The following PTPRM variants were observed in gnomAD, a reference collection of about 807,000 sequenced individuals.
PTPRM encodes the protein receptor-type tyrosine-protein phosphatase mu.
Under a neutral mutation model 186.7 loss-of-function variants are expected in PTPRM, and 47 were observed. The ratio of observed to expected loss-of-function variants is 0.25; its 90% CI spans 0.20 to 0.32. The LOEUF (loss-of-function observed/expected upper bound fraction) is 0.32. Among genes scored for constraint, PTPRM ranks in the 10% least tolerant of loss-of-function variants. The probability of loss-of-function intolerance (pLI) is 1.00; values close to 1 mark genes in which losing one functional copy is unlikely to be tolerated. For missense variants in PTPRM, 1,494 were observed against 1,865.0 expected (o/e 0.80, Z 3.66); for synonymous variants, 668 against 674.9 (o/e 0.99, Z 0.16).
intron 13 of PTPRM, among the ~76,000 whole-genome samples, chr18:8,126,438 A>C (rs1459659212): frequency 6.6e-6 from 1 of 152,190 alleles, no homozygotes; most frequent in Non-Finnish European, 1.5e-5. Context: ...TTACAAAAGC[A>C]TAATTTCGAT....
At chr18:8,369,865 G>A (rs541929563) in intron 23 of PTPRM, among the ~76,000 whole-genome samples, 2 of 152,254 alleles carry the variant, frequency 1.3e-5, no homozygotes, top group South Asian at 2.1e-4. Context: ...AGGGAAGATC[G>A]CTTGAGCCCA....
chr18:8,137,761 G>T (rs2092671313), intron 13 of PTPRM, among the ~76,000 whole-genome samples: 1 of 152,000 alleles, frequency 6.6e-6, no homozygotes, highest in Non-Finnish European at 1.5e-5. Flanking sequence ...GGCTTATGAG[G>T]CACTCTTCCC....
At chr18:8,052,050 A>G (rs926573402) in intron 7 of PTPRM, among the ~76,000 whole-genome samples, 3 of 152,180 alleles carry the variant, frequency 2.0e-5, no homozygotes, top group Non-Finnish European at 4.4e-5. Context: ...CTCCAACTTC[A>G]GTGTGCAGGT....
chr18:8,019,754 T>A (rs1282684382), intron 7 of PTPRM, among the ~76,000 whole-genome samples: 2 of 148,132 alleles, frequency 1.4e-5, no homozygotes, highest in East Asian at 3.9e-4. Context: ...TTTATAAACA[T>A]TTATTTTTAT....
intron 19 of PTPRM, among the ~76,000 whole-genome samples, chr18:8,272,617 AT>A (rs1202038892): frequency 6.6e-6 from 1 of 152,102 alleles, no homozygotes; most frequent in African/African-American, 2.4e-5. Context: ...TGCATGGAAG[AT>A]TTTTATCTTT....
At chr18:8,385,076 G>C (rs1004606994) in intron 30 of PTPRM, among the ~76,000 whole-genome samples, 1 of 152,106 alleles carries the variant, frequency 6.6e-6, no homozygotes, top group Admixed American at 6.5e-5. Context: ...TGAAGAGTAA[G>C]GGGGGTTCTG....
intron 19 of PTPRM, among the ~76,000 whole-genome samples, chr18:8,279,641 G>A (rs982481862): frequency 2.0e-5 from 3 of 152,152 alleles, no homozygotes; most frequent in Non-Finnish European, 2.9e-5. Context: ...CACATGAAAC[G>A]TGGCTTGACT....
chr18:8,214,158 G>A (rs180862767), intron 14 of PTPRM, among the ~76,000 whole-genome samples: 1 of 152,326 alleles, frequency 6.6e-6, no homozygotes, highest in Admixed American at 6.5e-5. Context: ...TTGGGGTACA[G>A]TGTACACTGT....
chr18:8,365,506 TG>T (rs1378081307), intron 23 of PTPRM, among the ~76,000 whole-genome samples: 1 of 152,242 alleles, frequency 6.6e-6, no homozygotes, highest in African/African-American at 2.4e-5. Flanking sequence ...GTTTGGAAAT[TG>T]ACTGTCTCTG....
rs2095682791 is a variant in PTPRM, at chr18:8,374,415, A to G, written c.3172-1631A>G. Reference sequence around the variant, plus strand: ...GTATTTACCGTCAATAAGCTTTCCCAGTTCATATATGGGAATGCATACCAC... The same window carrying G: ...GTATTTACCGTCAATAAGCTTTCCCGGTTCATATATGGGAATGCATACCAC... On this transcript the variant is annotated intron_variant, in intron 24 of 32. Coordinates refer to ENST00000580170, the MANE Select transcript of PTPRM (RefSeq NM_001105244.2). Among the ~76,000 whole-genome samples, 17 of 152,072 alleles carry G rather than the reference A, an allele frequency of 1.1e-4. No homozygotes were observed. The South Asian group carries it at 3.5e-3, about 32-fold the overall frequency.
At chr18:8,193,553 G>A (rs76987189) in intron 14 of PTPRM, among the ~76,000 whole-genome samples, 15,323 of 152,274 alleles carry the variant, frequency 0.1, 978 homozygotes, top group Non-Finnish European at 0.15. Flanking sequence ...CTGTCCTGTA[G>A]CCTGTGGCCA....
intron 1 of PTPRM, among the ~76,000 whole-genome samples, chr18:7,638,605 C>T (rs2038373403): frequency 6.6e-6 from 1 of 152,162 alleles, no homozygotes; most frequent in Admixed American, 6.5e-5. Context: ...TGTAGACCAT[C>T]TTCTGAGGCA....
chr18:8,342,603 T>C (rs2095481097), intron 22 of PTPRM, among the ~76,000 whole-genome samples: 1 of 152,238 alleles, frequency 6.6e-6, no homozygotes, highest in South Asian at 2.1e-4. Context: ...TTTCTCTCAT[T>C]TCCTTGCCTT....
intron 19 of PTPRM, among the ~76,000 whole-genome samples, chr18:8,274,183 T>C (rs915368479): frequency 2.0e-5 from 3 of 152,234 alleles, no homozygotes; most frequent in African/African-American, 7.2e-5. Flanking sequence ...GGTCTTGATA[T>C]CCAATTTCCA....
chr18:8,154,598 A>G (rs545769845), intron 14 of PTPRM: 1 of 152,346 alleles, frequency 6.6e-6, no homozygotes, highest in East Asian at 1.9e-4. Flanking sequence ...ATTGGGAGGC[A>G]TTGTCAATTA....
intron 19 of PTPRM, among the ~76,000 whole-genome samples, chr18:8,286,460 G>A (rs116601534): frequency 5.3e-4 from 81 of 152,330 alleles, no homozygotes; most frequent in Middle Eastern, 3.4e-3. Flanking sequence ...CCATACCAGT[G>A]CAGGCTCATT....
At position 8,289,538 on chromosome 18, in the gene PTPRM, A is replaced by ATGTGTGTGTATG. The variant is rs1491507686; in HGVS notation, c.2755-6829_2755-6828insGTGTGTGTATGT. Among the ~76,000 whole-genome samples, 7 of 55,662 alleles carry ATGTGTGTGTATG rather than the reference A, an allele frequency of 1.3e-4. No individual in the cohort carries two copies. The East Asian group carries it at 1.3e-3, about 10-fold the overall frequency. The allele number at this position is 55,662 out of a possible 152,430, so 36.5% of individuals were successfully genotyped here. The stretch of plus-strand genomic sequence containing the variant: ...TGTATATATATACATATATATACAC[A>ATGTGTGTGTATG]TATATATATATACATATATATACAC... On this transcript the variant is annotated intron_variant, in intron 19 of 32. Coordinates refer to ENST00000580170, the MANE Select transcript of PTPRM (RefSeq NM_001105244.2).
intron 1 of PTPRM, among the ~76,000 whole-genome samples, chr18:7,623,325 A>G (rs939388869): frequency 2.6e-5 from 4 of 152,172 alleles, no homozygotes; most frequent in Admixed American, 1.3e-4. Context: ...AGGAAATACC[A>G]GAAAGTATTA....
intron 14 of PTPRM, among the ~76,000 whole-genome samples, chr18:8,162,594 T>G (rs2093251774): frequency 6.6e-6 from 1 of 152,124 alleles, no homozygotes; most frequent in African/African-American, 2.4e-5. Context: ...ACCCGCTACC[T>G]CCTCAACACA....
Sources: gnomAD v4.1 joint callset for allele counts (sites outside exome capture counted in the v4.1 genomes callset) on GRCh38, gnomAD v4.1.1 for gene constraint, MANE v1.5 for transcripts, NCBI Gene and HGNC (gene_info 2026-07-23, HGNC 2026-07-21) for gene names.